The following PLB1 variants were observed in gnomAD, a reference collection of about 807,000 sequenced individuals.
PLB1 encodes phospholipase B1.
A neutral mutation model predicts 227.4 loss-of-function variants in PLB1; 242 were observed. The ratio of observed to expected loss-of-function variants is 1.06; its 90% confidence interval spans 0.96 to 1.18. PLB1 has a LOEUF of 1.18. PLB1 is among the 50% of genes most tolerant of loss of function. The pLI is 0.00. For missense variants in PLB1, 1,858 were observed against 1,816.3 expected, an observed-to-expected ratio of 1.02 and a Z score of -0.42; for synonymous variants, 757 against 682.2, an observed-to-expected ratio of 1.11 and a Z score of -1.71.
rs960612606 is a variant in PLB1 at position 28,565,268 on chromosome 2, G to C, written c.1207-12G>C. ...AAGCAGAGAAACTCACCCCCTCATT[G>C]TTCCCTCTCAGGCAGGCAATGGGGC... On this transcript the variant is annotated splice_polypyrimidine_tract_variant and intron_variant, in intron 18 of 57. Coordinates refer to ENST00000327757, the MANE Select transcript of PLB1 (RefSeq NM_153021.5). The C allele has an allele frequency of 1.2e-6, 2 of 1,608,578 alleles. No individual in the cohort carries two copies. The highest frequency in any genetic ancestry group is 2.7e-5 in the African/African-American group (2 of 74,890).
At chr2:28,501,013 G>C (rs1667032249) in intron 1 of PLB1, among the ~76,000 whole-genome samples, 3 of 152,220 alleles carry the variant, frequency 2.0e-5, no homozygotes. Context: ...TGGTAGGGGA[G>C]TGTTATTTAG....
In PLB1 at chr2:28,513,163, A is replaced by C. The variant is rs911623714; in HGVS notation, c.56-3645A>C. Among the ~76,000 whole-genome samples, 5 of 152,160 alleles carry C rather than the reference A, an allele frequency of 3.3e-5. No individual in the cohort carries two copies. In the East Asian group the frequency reaches 9.6e-4, roughly 29 times the overall value. On this transcript the variant is annotated intron_variant, in intron 1 of 57. Coordinates refer to ENST00000327757, the MANE Select transcript of PLB1 (RefSeq NM_153021.5). ...GGTTTATTTAATGTTGTCTCCTGGT[A>C]ATTTTTTAATGGAAAGCCAGGCATT...
chr2:28,548,277 C>T (rs1673611267), intron 14 of PLB1, among the ~76,000 whole-genome samples: 1 of 152,156 alleles, frequency 6.6e-6, no homozygotes, highest in African/African-American at 2.4e-5. Context: ...GCGGGGAGGA[C>T]TTGGGAAAGA....
chr2:28,545,653 A>G (rs1200996255), intron 14 of PLB1, among the ~76,000 whole-genome samples: 1 of 152,168 alleles, frequency 6.6e-6, no homozygotes. Context: ...ATGGGAGGGC[A>G]TTGGGCTCCT....
At chr2:28,564,849 T>G (rs535474024) in intron 18 of PLB1, among the ~76,000 whole-genome samples, 42 of 111,456 alleles carry the variant, frequency 3.8e-4, no homozygotes, top group African/African-American at 1.2e-3. Context: ...GGATTTCATT[T>G]TATTACTACA....
chr2:28,606,123 C>T (rs1318449433), intron 42 of PLB1, among the ~76,000 whole-genome samples, 175 bp downstream of exon 42: 2 of 152,190 alleles, frequency 1.3e-5, no homozygotes, highest in Non-Finnish European at 2.9e-5. Flanking sequence ...CTGGGCTCAA[C>T]TGCACCCTCT....
At chr2:28,630,485 C>T (rs6713038) in intron 53 of PLB1, 101 bp from the exon 54 acceptor site, 324,273 of 964,418 alleles carry the variant, frequency 0.34, 55,224 homozygotes, top group Non-Finnish European at 0.35. Flanking sequence ...GGCTGCAGGC[C>T]CCTGGGGTAG....
chr2:28,635,097 A>C (rs561020976), intron 56 of PLB1, among the ~76,000 whole-genome samples: 14 of 152,300 alleles, frequency 9.2e-5, no homozygotes, highest in African/African-American at 3.4e-4. Context: ...AAGACTGTCC[A>C]TGGTTCCCCA....
intron 1 of PLB1, among the ~76,000 whole-genome samples, chr2:28,499,927 T>A (rs567730765): frequency 3.3e-4 from 51 of 152,278 alleles, no homozygotes; most frequent in African/African-American, 1.2e-3. Context: ...GTAATTGTGC[T>A]GTTTGCTAAT....
At chr2:28,547,448 C>A (rs1338193666) in intron 14 of PLB1, among the ~76,000 whole-genome samples, 1 of 152,232 alleles carries the variant, frequency 6.6e-6, no homozygotes, top group Non-Finnish European at 1.5e-5. Flanking sequence ...GCTAATTATA[C>A]CTCCTTATCT....
intron 56 of PLB1, among the ~76,000 whole-genome samples, chr2:28,637,290 T>A (rs35114275): frequency 0.32 from 43,725 of 138,662 alleles, 7,105 homozygotes; most frequent in Non-Finnish European, 0.37. Flanking sequence ...TAAAACTCTG[T>A]CTCAAATTTA....
rs1442375739 is a variant in PLB1 at position 28,598,656 on chromosome 2, C to T, written c.2370C>T (p.Ile790=). 1.2e-6 allele frequency: 2 copies of T among 1,612,986 alleles called. No individual in the cohort carries two copies. The highest frequency in any genetic ancestry group is 3.3e-5 in the Admixed American group (2 of 60,022). ...CCCATTCACCTTCTCTTCCAGATAT[C>T]CTTCGGGAGTTTAACAGAAACCTCA... ...SLENVTTLPN[I]LREFNRNLTG... The change falls in exon 35 of 58, where the codon ATC becomes ATT. Residue 790 remains isoleucine, a synonymous_variant. Coordinates refer to ENST00000327757, the MANE Select transcript of PLB1 (RefSeq NM_153021.5).
intron 43 of PLB1, among the ~76,000 whole-genome samples, chr2:28,612,430 A>G (rs1474194823): frequency 6.6e-6 from 1 of 151,978 alleles, no homozygotes; most frequent in Non-Finnish European, 1.5e-5. Context: ...GGCATTCATC[A>G]CTTGTTCCCT....
intron 26 of PLB1, 73 bp downstream of exon 26, chr2:28,585,915 C>T: frequency 2.9e-6 from 4 of 1,375,126 alleles, no homozygotes; most frequent in Non-Finnish European, 4.1e-6. Flanking sequence ...GAGAACAAGT[C>T]AGTGCTTAGG....
Position 28,643,637 on chromosome 2 carries a change from A to G in PLB1, c.*576A>G, listed in dbSNP as rs1346242888. On this transcript the variant is annotated 3_prime_UTR_variant, in exon 58 of 58. Coordinates refer to ENST00000327757, the MANE Select transcript of PLB1 (RefSeq NM_153021.5). ...AAACTCCTTCAATAACCAAGAAGCC[A>G]CGTGATGATGTGTAACTACTAGGGC... 6.6e-6 allele frequency: 1 copy of G among 152,292 alleles called. No homozygotes were observed. Among genetic ancestry groups the G allele is most frequent in the Non-Finnish European group, 1.5e-5 (1 of 68,070 alleles). The allele number at this position is 152,292 out of a possible 1,614,324, so 9.4% of individuals were successfully genotyped here. A position where few individuals can be genotyped will look rare whatever the true frequency, so the allele number is the denominator to read the frequency against.
At chr2:28,500,978 T>C (rs2148153992) in intron 1 of PLB1, among the ~76,000 whole-genome samples, 1 of 152,318 alleles carries the variant, frequency 6.6e-6, no homozygotes, top group African/African-American at 2.4e-5. Flanking sequence ...AAACCTGGAA[T>C]CAGCTGTTTC....
chr2:28,565,643 C>G (rs1448143844), intron 19 of PLB1, among the ~76,000 whole-genome samples: 1 of 152,136 alleles, frequency 6.6e-6, no homozygotes, highest in Non-Finnish European at 1.5e-5. Flanking sequence ...GATATAATCT[C>G]AGAAGGAGGC....
chr2:28,597,436 A>AT (rs1395325132), intron 33 of PLB1, among the ~76,000 whole-genome samples: 1 of 152,218 alleles, frequency 6.6e-6, no homozygotes, highest in Non-Finnish European at 1.5e-5. Context: ...ATAAATGCAT[A>AT]AAAGGAAACA....
intron 56 of PLB1, among the ~76,000 whole-genome samples, chr2:28,639,409 G>A (rs754962662): frequency 9.2e-5 from 14 of 152,166 alleles, no homozygotes; most frequent in Non-Finnish European, 1.6e-4. Context: ...TCCATCCAGC[G>A]ATGGAGACTG....
Sources: allele counts gnomAD v4.1 joint callset (sites outside exome capture counted in the v4.1 genomes callset), GRCh38; gene constraint gnomAD v4.1.1; transcripts MANE v1.5; gene names NCBI Gene and HGNC (gene_info 2026-07-23, HGNC 2026-07-21).